The following MAGI2 variants were observed in gnomAD, a reference collection of about 807,000 sequenced individuals.
The protein encoded by MAGI2 is membrane associated guanylate kinase, WW and PDZ domain containing 2.
In MAGI2, 35 loss-of-function variants were observed where a neutral mutation model predicts 133.3. That is an observed-to-expected ratio of 0.26 (90% CI 0.20 to 0.35). MAGI2 has a LOEUF of 0.35. Ranked by LOEUF, MAGI2 falls within the 10% of genes least tolerant of loss-of-function variation. The pLI, the probability that MAGI2 is intolerant of heterozygous loss-of-function variation, is 1.00. For missense variants in MAGI2, 1,636 were observed against 1,863.4 expected (o/e 0.88, Z 2.25); for synonymous variants, 729 against 710.6 (o/e 1.03, Z -0.41).
At chr7:78,737,014 A>C (rs1442491364) in intron 2 of MAGI2, among the ~76,000 whole-genome samples, 2 of 152,222 alleles carry the variant, frequency 1.3e-5, no homozygotes, top group African/African-American at 4.8e-5. Context: ...ACTTGAATGA[A>C]TGACTGACAG....
At chr7:78,592,090 TCTCA>T (rs570104264) in intron 3 of MAGI2, among the ~76,000 whole-genome samples, 231 of 152,266 alleles carry the variant, frequency 1.5e-3, no homozygotes, top group Admixed American at 0.012. Flanking sequence ...AAAGATCACA[TCTCA>T]CTAATAGGGG....
intron 1 of MAGI2, among the ~76,000 whole-genome samples, chr7:79,334,677 T>C (rs1330067614): frequency 6.6e-6 from 1 of 152,192 alleles, no homozygotes; most frequent in African/African-American, 2.4e-5. Flanking sequence ...CCTCTAGCCA[T>C]ATTGCTCTTG....
intron 1 of MAGI2, among the ~76,000 whole-genome samples, chr7:79,076,740 T>C (rs540029878): frequency 6.6e-6 from 1 of 152,340 alleles, no homozygotes; most frequent in East Asian, 1.9e-4. Flanking sequence ...GAACTAACAA[T>C]GTAGACATAC....
intron 2 of MAGI2, among the ~76,000 whole-genome samples, chr7:78,912,448 G>T (rs1798468267): frequency 6.6e-6 from 1 of 151,940 alleles, no homozygotes; most frequent in Non-Finnish European, 1.5e-5. Flanking sequence ...TTGAGTAGGT[G>T]GGCTGGGAAA....
chr7:79,443,825 A>C (rs1201226327), intron 1 of MAGI2, among the ~76,000 whole-genome samples: 1 of 152,208 alleles, frequency 6.6e-6, no homozygotes, highest in Non-Finnish European at 1.5e-5. Flanking sequence ...ATATAAAAAT[A>C]GATTTTTAAA....
At chr7:79,403,992 G>A (rs1388235074) in intron 1 of MAGI2, among the ~76,000 whole-genome samples, 1 of 152,130 alleles carries the variant, frequency 6.6e-6, no homozygotes, top group African/African-American at 2.4e-5. Context: ...GGGCCAAGAA[G>A]ATAATGGGAA....
intron 2 of MAGI2, among the ~76,000 whole-genome samples, chr7:79,001,830 G>A (rs1806887791): frequency 6.6e-6 from 1 of 152,130 alleles, no homozygotes. Flanking sequence ...ATGCTGTGAT[G>A]AAACAATCCT....
At chr7:79,366,143 G>A (rs1271255024) in intron 1 of MAGI2, among the ~76,000 whole-genome samples, 1 of 151,944 alleles carries the variant, frequency 6.6e-6, no homozygotes, top group East Asian at 1.9e-4. Context: ...TCAGGAGGCT[G>A]AGGTGGGAGG....
At chr7:78,281,899 G>GAAA in intron 9 of MAGI2, among the ~76,000 whole-genome samples, 1 of 134,972 alleles carries the variant, frequency 7.4e-6, no homozygotes, top group South Asian at 2.3e-4. Flanking sequence ...AAAAAAAAAG[G>GAAA]AGAAAACTTG....
Position 79,369,502 on chromosome 7 carries a change from T to C in MAGI2, c.301+83518A>G, listed in dbSNP as rs990737351. On this transcript the variant is annotated intron_variant, in intron 1 of 21. Coordinates refer to ENST00000354212, the MANE Select transcript of MAGI2 (RefSeq NM_012301.4). ...CAGCTGAAGTCAGTATAAAAACCTG[T>C]TGTAGAGAATGCAAGAAGCTCCCAT... Among the ~76,000 whole-genome samples the C allele has an allele frequency of 6.6e-5, 10 of 152,280 alleles. No individual in the cohort carries two copies. The East Asian group carries it at 9.7e-4, about 15-fold the overall frequency.
intron 3 of MAGI2, among the ~76,000 whole-genome samples, chr7:78,573,399 T>TATAC (rs1164416648): frequency 5.7e-5 from 4 of 70,026 alleles, no homozygotes; most frequent in African/African-American, 2.2e-4. Context: ...TATATATATA[T>TATAC]ATATAGGCTG....
intron 2 of MAGI2, among the ~76,000 whole-genome samples, chr7:78,741,674 T>C (rs1274000986): frequency 6.6e-6 from 1 of 152,156 alleles, no homozygotes; most frequent in African/African-American, 2.4e-5. Context: ...CTTTGCCTCT[T>C]TACTTTGGAC....
chr7:79,357,005 C>A (rs993493525), intron 1 of MAGI2, among the ~76,000 whole-genome samples: 2 of 152,124 alleles, frequency 1.3e-5, no homozygotes, highest in African/African-American at 2.4e-5. Context: ...CTGTCTATAA[C>A]CCTCATGTTT....
intron 9 of MAGI2, among the ~76,000 whole-genome samples, chr7:78,340,094 A>G (rs1414301072): frequency 6.6e-6 from 1 of 152,196 alleles, no homozygotes; most frequent in Admixed American, 6.5e-5. Context: ...GGTCATAAAA[A>G]TGGCAGAACT....
chr7:78,583,834 C>T (rs1049707376), intron 3 of MAGI2, among the ~76,000 whole-genome samples: 1 of 152,124 alleles, frequency 6.6e-6, no homozygotes, highest in Non-Finnish European at 1.5e-5. Context: ...AGATGATAAC[C>T]TAAAAGTCAG....
At chr7:78,267,866 C>G (rs1285969452) in intron 9 of MAGI2, among the ~76,000 whole-genome samples, 1 of 152,144 alleles carries the variant, frequency 6.6e-6, no homozygotes, top group Admixed American at 6.5e-5. Flanking sequence ...TATTCTCAGA[C>G]ACAACAGACA....
intron 3 of MAGI2, chr7:78,617,944 T>C (rs1807288036): frequency 6.6e-6 from 1 of 151,990 alleles, no homozygotes; most frequent in Non-Finnish European, 1.5e-5. Flanking sequence ...GTCCCCCAGA[T>C]TAGGAATATA....
chr7:79,108,858 A>G (rs1221205120), intron 1 of MAGI2, among the ~76,000 whole-genome samples: 1 of 152,142 alleles, frequency 6.6e-6, no homozygotes, highest in Non-Finnish European at 1.5e-5. Context: ...GTTACTCACA[A>G]GATCTGGTTG....
chr7:78,710,201 A>G (rs1819043174), intron 2 of MAGI2, among the ~76,000 whole-genome samples: 1 of 151,782 alleles, frequency 6.6e-6, no homozygotes, highest in Non-Finnish European at 1.5e-5. Context: ...CACACATTCT[A>G]CTAAACAGGA....
Sources: gnomAD v4.1 joint callset for allele counts (sites outside exome capture counted in the v4.1 genomes callset) on GRCh38, gnomAD v4.1.1 for gene constraint, MANE v1.5 for transcripts, NCBI Gene and HGNC (gene_info 2026-07-23, HGNC 2026-07-21) for gene names.